Variants in FOXK1 observed in about 807,000 individuals in gnomAD.
FOXK1 encodes forkhead box K1, also known as forkhead box protein K1.
In FOXK1, 19 loss-of-function variants were observed where a neutral mutation model predicts 51.9. The observed-to-expected ratio is 0.37, with a 90% CI of 0.26 to 0.54. The LOEUF is 0.54. Among genes scored for constraint, FOXK1 ranks in the 20% least tolerant of loss-of-function variants. FOXK1 has a pLI of 0.87. For synonymous variants in FOXK1, 537 were observed against 482.6 expected (o/e 1.11, Z -1.48); for missense variants, 870 against 1,032.7 (o/e 0.84, Z 2.16).
intron 1 of FOXK1, among the ~76,000 whole-genome samples, chr7:4,691,029 A>G (rs1321352167): frequency 6.6e-6 from 1 of 152,182 alleles, no homozygotes. Flanking sequence ...CATTGCGACT[A>G]TTACTTTTCA....
In FOXK1 at chr7:4,731,023, C is replaced by T. The variant is rs1412613873; in HGVS notation, c.561-9815C>T. On this transcript the variant is annotated intron_variant, in intron 1 of 8. Transcript: ENST00000328914. This position sits in a 1 kb window ranked among gnomAD's most constrained non-coding sequence, Gnocchi z 5.3. ...CTCTACAAAAAATCAAAACCATTTG[C>T]TGAACAGTCTTATTTCTCGGAGGAG... 1.3e-5 allele frequency among the ~76,000 whole-genome samples: 2 copies of T among 152,122 alleles called. No individual in the cohort carries two copies. The highest frequency in any genetic ancestry group is 2.9e-5 in the Non-Finnish European group (2 of 68,022).
At chr7:4,694,679 G>A (rs570630625) in intron 1 of FOXK1, among the ~76,000 whole-genome samples, 1 of 152,332 alleles carries the variant, frequency 6.6e-6, no homozygotes, top group South Asian at 2.1e-4. Context: ...TAGATTTGGA[G>A]CTTTGTGCCA....
rs1780150817 is a variant in FOXK1 at position 4,709,754 on chromosome 7, T to G, written c.560+26886T>G. Reference sequence around the variant, plus strand: ...GTGAAGTTCCACAGTGTCATGATAATTCTTGGCGTTGAGTGACCTCACGAT... The same window carrying G: ...GTGAAGTTCCACAGTGTCATGATAAGTCTTGGCGTTGAGTGACCTCACGAT... On this transcript the variant is annotated intron_variant, in intron 1 of 8. Coordinates refer to ENST00000328914, the MANE Select transcript of FOXK1 (RefSeq NM_001037165.2). This position sits in a 1 kb window ranked among gnomAD's most constrained non-coding sequence, Gnocchi z 5.6. Among the ~76,000 whole-genome samples, 1 of 152,236 alleles carries G rather than the reference T, an allele frequency of 6.6e-6. No homozygotes were observed. Among genetic ancestry groups the G allele is most frequent in the Non-Finnish European group, 1.5e-5 (1 of 68,028 alleles).
At chr7:4,721,772 G>C (rs1196175131) in intron 1 of FOXK1, among the ~76,000 whole-genome samples, 1 of 150,960 alleles carries the variant, frequency 6.6e-6, no homozygotes, top group East Asian at 1.9e-4. Context: ...TGCATTTTTA[G>C]TATAGACAGA....
rs986239823 is a variant in FOXK1 at position 4,753,833 on chromosome 7, G to A, written c.747-626G>A. On this transcript the variant is annotated intron_variant, in intron 2 of 8. Transcript: ENST00000328914. This position sits in a 1 kb window ranked among gnomAD's most constrained non-coding sequence, Gnocchi z 4.9. ...CAGCCGGGGGTGTCGGTCACTCCCAGCCATCTGTGGTTGCTCCAGCCTGGG... is the reference window on the plus strand; with the variant it reads ...CAGCCGGGGGTGTCGGTCACTCCCAACCATCTGTGGTTGCTCCAGCCTGGG... Among the ~76,000 whole-genome samples, 2 of 152,160 alleles carry A rather than the reference G, an allele frequency of 1.3e-5. No homozygotes were observed. The highest frequency in any genetic ancestry group is 2.9e-5 in the Non-Finnish European group (2 of 68,024).
Position 4,682,723 on chromosome 7 carries a change from G to A in FOXK1, c.415G>A (p.Gly139Ser), listed in dbSNP as rs1403136459. The A allele has an allele frequency of 2.5e-6, 4 of 1,604,590 alleles. No homozygotes were observed. Among genetic ancestry groups the A allele is most frequent in the Non-Finnish European group, 3.4e-6 (4 of 1,178,590 alleles). The change falls in exon 1 of 9, where the codon GGC (glycine) becomes AGC (serine). Residue 139 changes from glycine to serine, a missense_variant. Gly to Ser is a moderately conservative substitution (Grantham distance 56, BLOSUM62 0). This residue lies in a region of FOXK1 where 399 missense variants were observed against 475.6 expected (regional missense o/e 0.84). Transcript: ENST00000328914. This position sits in a 1 kb window ranked among gnomAD's most constrained non-coding sequence, Gnocchi z 7.6. ...GCAGGGCTCGGTGGACTTGAGCATG[G>A]GCCTGTCCAGCTTCATCTCGCGGCG... The part of the protein sequence containing the change: ...SSQGSVDLSM[G>S]LSSFISRRHL...
chr7:4,760,640 C>T (rs1440741219), intron 7 of FOXK1, among the ~76,000 whole-genome samples: 1 of 152,196 alleles, frequency 6.6e-6, no homozygotes, highest in Non-Finnish European at 1.5e-5. Flanking sequence ...CACTTGAGGT[C>T]AGAAGTTCAA....
chr7:4,704,592 G>A (rs1397092578), intron 1 of FOXK1, among the ~76,000 whole-genome samples: 3 of 152,094 alleles, frequency 2.0e-5, no homozygotes, highest in African/African-American at 4.8e-5. Flanking sequence ...TTTCGGAACT[G>A]GATAAGCTAA....
In FOXK1 at chr7:4,759,381, C is replaced by A; in HGVS notation, c.1482C>A (p.Pro494=). 6.2e-7 allele frequency: 1 copy of A among 1,602,576 alleles called. No individual in the cohort carries two copies. The part of the protein sequence containing the change: ...PPRPSSLVAK[P]VAYMPASIVT... ...GACCGTCCAGCCTCGTGGCCAAGCC[C>A]GTGGCCTACATGCCCGCCTCCATCG... The change falls in exon 7 of 9, where the codon CCC becomes CCA. Residue 494 remains proline (P), a synonymous_variant. Coordinates refer to ENST00000328914, the MANE Select transcript of FOXK1 (RefSeq NM_001037165.2).
Position 4,711,093 on chromosome 7 carries a change from T to G in FOXK1, c.560+28225T>G, listed in dbSNP as rs749701684. 1.7e-4 allele frequency among the ~76,000 whole-genome samples: 26 copies of G among 152,162 alleles called. No individual in the cohort carries two copies. The highest frequency in any genetic ancestry group is 3.5e-4 in the Non-Finnish European group (24 of 68,036). On this transcript the variant is annotated intron_variant, in intron 1 of 8. Coordinates refer to ENST00000328914, the MANE Select transcript of FOXK1 (RefSeq NM_001037165.2). This position sits in a 1 kb window ranked among gnomAD's most constrained non-coding sequence, Gnocchi z 6.3. ...GATGGAGACGGCTGTCCATCAGCTGTGCAGGGCCAAGCTGGGCCTGGATCC... is the reference window on the plus strand; with the variant it reads ...GATGGAGACGGCTGTCCATCAGCTGGGCAGGGCCAAGCTGGGCCTGGATCC...
intron 1 of FOXK1, among the ~76,000 whole-genome samples, chr7:4,726,776 C>T (rs1780386420): frequency 6.6e-6 from 1 of 152,188 alleles, no homozygotes; most frequent in African/African-American, 2.4e-5. Flanking sequence ...CCACTCTATT[C>T]ATAGGGGGAA....
intron 1 of FOXK1, among the ~76,000 whole-genome samples, chr7:4,693,609 T>TG (rs1779919553): frequency 6.6e-6 from 1 of 152,218 alleles, no homozygotes. Context: ...GATGGTGCCC[T>TG]TGGCCTTTCA....
intron 1 of FOXK1, among the ~76,000 whole-genome samples, chr7:4,710,570 A>G (rs1780161903): frequency 6.6e-6 from 1 of 152,166 alleles, no homozygotes; most frequent in African/African-American, 2.4e-5. Context: ...GTGAGACTCC[A>G]TCTCAAAAAT....
chr7:4,700,727 G>A (rs796984510), intron 1 of FOXK1, among the ~76,000 whole-genome samples: 44 of 152,100 alleles, frequency 2.9e-4, no homozygotes, highest in African/African-American at 1.1e-3. Flanking sequence ...GAGGGGGAAG[G>A]ATCCCTTGAG....
rs1338183275 is a variant in FOXK1 at position 4,709,969 on chromosome 7, TAGA to T, written c.560+27106_560+27108del. 1.3e-5 allele frequency among the ~76,000 whole-genome samples: 2 copies of T among 152,194 alleles called. No individual in the cohort carries two copies. Among genetic ancestry groups the T allele is most frequent in the African/African-American group, 4.8e-5 (2 of 41,450 alleles). ...TTAACATTGTTCCCGCGTGAAGGGGTAGAAGAACAGGCAAAATCCATGATTTTT... is the reference window on the plus strand; with the variant it reads ...TTAACATTGTTCCCGCGTGAAGGGGTAGAACAGGCAAAATCCATGATTTTT... On this transcript the variant is annotated intron_variant, in intron 1 of 8. Coordinates refer to ENST00000328914, the MANE Select transcript of FOXK1 (RefSeq NM_001037165.2). The surrounding 1 kb of genome is among the most constrained non-coding windows in gnomAD (Gnocchi z 5.6).
chr7:4,762,104 AG>A lies in FOXK1; in HGVS notation c.1922-79del. On this transcript the variant is annotated intron_variant, in intron 8 of 8. Transcript: ENST00000328914. This position sits in a 1 kb window ranked among gnomAD's most constrained non-coding sequence, Gnocchi z 5.7. ...ACCTCCGGTTCCGGCTTGGTGGCTT[AG>A]CCCCTGTATAGGGGACTTGAAAAAA... 6.9e-7 allele frequency: 1 copy of A among 1,459,710 alleles called. No homozygotes were observed. The highest frequency in any genetic ancestry group is 9.2e-7 in the Non-Finnish European group (1 of 1,088,760). 90.4% of individuals were successfully genotyped at this position (1,459,710 alleles called of 1,614,324 possible).
At position 4,707,348 on chromosome 7, in the gene FOXK1, G is replaced by T. The variant is rs1019569566; in HGVS notation, c.560+24480G>T. Among the ~76,000 whole-genome samples the T allele has an allele frequency of 1.3e-5, 2 of 152,212 alleles. No individual in the cohort carries two copies. The highest frequency in any genetic ancestry group is 4.8e-5 in the African/African-American group (2 of 41,448). On this transcript the variant is annotated intron_variant, in intron 1 of 8. Coordinates refer to ENST00000328914, the MANE Select transcript of FOXK1 (RefSeq NM_001037165.2). This position sits in a 1 kb window ranked among gnomAD's most constrained non-coding sequence, Gnocchi z 4.1. Reference sequence around the variant, plus strand: ...ATGGGCCATCCGGGATAAACAGATGGGACGGAGAGTGCAATTTACATAACA... The same window carrying T: ...ATGGGCCATCCGGGATAAACAGATGTGACGGAGAGTGCAATTTACATAACA...
chr7:4,738,132 A>G (rs1249390083), intron 1 of FOXK1, among the ~76,000 whole-genome samples: 14 of 134,890 alleles, frequency 1.0e-4, no homozygotes, highest in Admixed American at 5.0e-4. Context: ...CAAAAAGAGA[A>G]AAAAAAAAAA....
intron 1 of FOXK1, among the ~76,000 whole-genome samples, chr7:4,694,849 C>T (rs201837222): frequency 2.6e-5 from 4 of 152,270 alleles, no homozygotes; most frequent in South Asian, 2.1e-4. Flanking sequence ...ATGCCCAAGC[C>T]GCCCCGGGTG....
Sources: gnomAD v4.1 joint callset for allele counts (sites outside exome capture counted in the v4.1 genomes callset) on GRCh38, gnomAD v4.1.1 for gene constraint, gnomAD v4.1.1 regional missense constraint, Gnocchi (gnomAD v3.1) non-coding constraint, MANE v1.5 for transcripts, NCBI Gene and HGNC (gene_info 2026-07-23, HGNC 2026-07-21) for gene names.